The following BCORL1 variants were observed in gnomAD, a reference collection of about 807,000 sequenced individuals.
BCORL1 encodes the protein BCL-6 corepressor-like protein 1.
A neutral mutation model predicts 87.6 loss-of-function variants in BCORL1; 7 were observed. The observed-to-expected ratio is 0.08, with a 90% CI of 0.05 to 0.15. The LOEUF (loss-of-function observed/expected upper bound fraction) is 0.15, where lower values mean the gene tolerates loss of function less well. Among genes scored for constraint, BCORL1 ranks in the 10% least tolerant of loss-of-function variants. The probability of loss-of-function intolerance (pLI) is 1.00; values close to 1 mark genes in which losing one functional copy is unlikely to be tolerated. For missense variants in BCORL1, 1,215 were observed against 1,499.7 expected (o/e 0.81, Z 3.13); for synonymous variants, 591 against 634.4 (o/e 0.93, Z 1.03).
At chrX:130,048,932 C>A (rs1176774629) in intron 11 of BCORL1, among the ~76,000 whole-genome samples, 1 of 112,434 alleles carries the variant, frequency 8.9e-6, no homozygotes, top group African/African-American at 3.2e-5. Context: ...TGGTGTCTGG[C>A]TTCTGTCACG....
At chrX:129,980,400 G>A (rs1256639351), upstream of BCORL1, among the ~76,000 whole-genome samples, 1 of 113,105 alleles carries the variant, frequency 8.8e-6, no homozygotes, top group Non-Finnish European at 1.9e-5. Context: ...TAAAGGGGGC[G>A]CCGTGAGGCG....
rs1363969239 is a variant in BCORL1, at chrX:130,028,645, C to A, written c.4089C>A (p.Ala1363=). The A allele has an allele frequency of 1.7e-6, 2 of 1,208,544 alleles. No individual in the cohort carries two copies. The highest frequency in any genetic ancestry group is 1.1e-6 in the Non-Finnish European group (1 of 893,449). Residue 1363 remains alanine (A), a synonymous_variant, in exon 8 of 14, where the codon GCC becomes GCA. Transcript: ENST00000540052. ...GTTTCTTGCCTTCAGATTTAAAGGC[C>A]CGTAAGCAGAAGACTTCCTCCTCCC... is the stretch of plus-strand genomic sequence containing the variant. ...QRRKGRADLK[A]RKQKTSSSQS...
At chrX:130,050,004 C>T (rs1363863003) in intron 11 of BCORL1, among the ~76,000 whole-genome samples, 2 of 111,199 alleles carry the variant, frequency 1.8e-5, no homozygotes, top group Admixed American at 9.6e-5. Flanking sequence ...GAGCCCAGCC[C>T]GCGTGTGTCC....
intron 3 of BCORL1, 24 bp downstream of exon 3, chrX:130,012,692 T>A (rs1301312691): frequency 8.5e-7 from 1 of 1,170,044 alleles, no homozygotes. Context: ...TGGAGCCACG[T>A]GCTGTCCACC....
At chrX:129,991,809 C>G (rs1236600179) in intron 1 of BCORL1, among the ~76,000 whole-genome samples, 1 of 102,591 alleles carries the variant, frequency 9.7e-6, no homozygotes, top group Non-Finnish European at 2.0e-5. Context: ...AGGCGCCCGC[C>G]ACCATGCCCA....
At chrX:130,020,139 C>G (rs1465153885) in intron 4 of BCORL1, among the ~76,000 whole-genome samples, 3 of 112,435 alleles carry the variant, frequency 2.7e-5, no homozygotes, top group Admixed American at 9.4e-5. Context: ...GGGTCTTTCT[C>G]ACTGCAAGCA....
rs750864364 is a variant in BCORL1 at position 130,013,684 on chromosome X, G to A, written c.912G>A (p.Pro304=). The change falls in exon 4 of 14, where the codon CCG becomes CCA. Residue 304 remains proline (P), a synonymous_variant. Coordinates refer to ENST00000540052, the MANE Select transcript of BCORL1 (RefSeq NM_001379451.1). ...PVPLSAPAPA[P]LSVPVSAPPL... ...CCTTGTCGGCTCCAGCTCCTGCCCCGCTTTCAGTCCCAGTTTCAGCTCCTC... is the reference window on the plus strand; with the variant it reads ...CCTTGTCGGCTCCAGCTCCTGCCCCACTTTCAGTCCCAGTTTCAGCTCCTC... 6 of 1,209,999 alleles carry A rather than the reference G, an allele frequency of 5.0e-6. No individual in the cohort carries two copies. Among genetic ancestry groups the A allele is most frequent in the Middle Eastern group, 2.3e-4 (1 of 4,351 alleles).
At chrX:130,052,689 G>T (rs754957643) in intron 13 of BCORL1, among the ~76,000 whole-genome samples, 12 of 112,685 alleles carry the variant, frequency 1.1e-4, no homozygotes, top group Non-Finnish European at 1.7e-4. Context: ...TGGAAGTGCT[G>T]GTTGAGAGAA....
intron 8 of BCORL1, 23 bp downstream of exon 8, chrX:130,028,884 T>C (rs1214484336): frequency 1.1e-6 from 1 of 870,593 alleles, no homozygotes; most frequent in Admixed American, 3.0e-5. Context: ...CAAGGGGTAT[T>C]GTAGAAGGTG....
Position 130,015,605 on chromosome X carries a change from C to G in BCORL1, c.2833C>G (p.Arg945Gly). The change falls in exon 4 of 14, where the codon CGA becomes GGA. Residue 945 changes from arginine (R) to glycine (G), a missense_variant. Arg to Gly is a moderately radical substitution (Grantham distance 125). Transcript: ENST00000540052. ...TGTTCAGCCTAGCGGTGGGGACATT[C>G]GAATGAATCAGGGGCCTGAGGAATC... ...LSVQPSGGDI[R>G]MNQGPEESES... is the part of the protein sequence containing the mutation. 2.5e-6 allele frequency: 3 copies of G among 1,212,060 alleles called. No individual in the cohort carries two copies. Among genetic ancestry groups the G allele is most frequent in the Non-Finnish European group, 2.2e-6 (2 of 895,582 alleles).
intron 11 of BCORL1, among the ~76,000 whole-genome samples, chrX:130,046,998 C>T (rs1308313683): frequency 1.9e-5 from 2 of 106,944 alleles, no homozygotes; most frequent in Non-Finnish European, 3.8e-5. Flanking sequence ...TGGAATCATA[C>T]AGCATGGGGC....
chrX:130,015,008 C>T lies in BCORL1; in HGVS notation c.2236C>T (p.Pro746Ser). The T allele has an allele frequency of 8.3e-7, 1 of 1,211,928 alleles. No homozygotes were observed. The highest frequency in any genetic ancestry group is 1.7e-5 in the African/African-American group (1 of 57,821). The change falls in exon 4 of 14, where the codon CCC (proline) becomes TCC (serine). Residue 746 changes from proline to serine, a missense_variant. By Grantham distance (74) the Pro-to-Ser change is moderately conservative. Around this residue, in one of 5 missense-constraint regions of BCORL1, gnomAD observed 861 missense variants for 1,010.0 expected, o/e 0.85. Coordinates refer to ENST00000540052, the MANE Select transcript of BCORL1 (RefSeq NM_001379451.1). ...CCTCAACCGTGACCCCCGCCATCTC[C>T]CCAAGCAGGAGCCCATCTCCATCAT... ...LGLNRDPRHL[P>S]KQEPISIIDQ...
At position 130,013,094 on chromosome X, in the gene BCORL1, G is replaced by A; in HGVS notation, c.322G>A (p.Ala108Thr). The change falls in exon 4 of 14, where the codon GCT becomes ACT. Residue 108 changes from alanine (A) to threonine (T), a missense_variant. By Grantham distance (58) the Ala-to-Thr change is moderately conservative (BLOSUM62 0). Around this residue, in one of 5 missense-constraint regions of BCORL1, gnomAD observed 861 missense variants for 1,010.0 expected, o/e 0.85. Coordinates refer to ENST00000540052, the MANE Select transcript of BCORL1 (RefSeq NM_001379451.1). ...KMDYAGNVAE[A>T]EGLLVPLSSP... ...GGACTACGCTGGGAACGTGGCAGAG[G>A]CTGAGGGCCTCTTGGTGCCCCTGAG... 2 of 1,210,447 alleles carry A rather than the reference G, an allele frequency of 1.7e-6. No homozygotes were observed. The highest frequency in any genetic ancestry group is 2.2e-6 in the Non-Finnish European group (2 of 894,187).
chrX:130,025,355 G>A lies in BCORL1; in HGVS notation c.4054G>A (p.Glu1352Lys), dbSNP rs141583187. The change falls in exon 7 of 14, where the codon GAG (glutamate) becomes AAG (lysine). Residue 1352 changes from glutamate to lysine, a missense_variant. Physicochemically the swap from Glu to Lys is moderately conservative, Grantham distance 56. This residue lies in a region of BCORL1 where 166 missense variants were observed against 196.5 expected (regional missense o/e 0.84). Coordinates refer to ENST00000540052, the MANE Select transcript of BCORL1 (RefSeq NM_001379451.1). The part of the protein sequence containing the change: ...TGEYLTEQED[E>K]QRRKGRADLK... ...GGAGTACCTGACAGAGCAAGAAGAC[G>A]AGCAGCGGCGGAAAGGGAGAGCAGG... is the stretch of plus-strand genomic sequence containing the variant. The A allele has an allele frequency of 6.1e-6, 7 of 1,150,488 alleles. No individual in the cohort carries two copies. The highest frequency in any genetic ancestry group is 6.9e-6 in the Non-Finnish European group (6 of 867,407). 94.8% of individuals were successfully genotyped at this position (1,150,488 alleles called of 1,213,427 possible). A position where few individuals can be genotyped will look rare whatever the true frequency, so the allele number is the denominator to read the frequency against.
intron 1 of BCORL1, among the ~76,000 whole-genome samples, chrX:130,003,350 C>CT: frequency 9.7e-6 from 1 of 102,788 alleles, no homozygotes; most frequent in African/African-American, 4.0e-5. Context: ...CCTCCTCCTC[C>CT]TCCTTCTTCT....
intron 1 of BCORL1, among the ~76,000 whole-genome samples, chrX:129,996,354 T>C (rs752865473): frequency 2.7e-5 from 3 of 111,627 alleles, no homozygotes; most frequent in South Asian, 7.5e-4. Context: ...TGCTTCCAGG[T>C]CACCAGGCAG....
At chrX:130,055,713 G>C (rs941789119) in intron 13 of BCORL1, 141 bp from the exon 14 acceptor site, 9 of 659,239 alleles carry the variant, frequency 1.4e-5, no homozygotes, top group African/African-American at 2.2e-5. Context: ...AGCAGGGGAC[G>C]GGGGAGCCAG....
chrX:130,037,008 TGGTGGCGTGCGCCTGTA>T (rs60342445), intron 9 of BCORL1, among the ~76,000 whole-genome samples: 402 of 111,737 alleles, frequency 3.6e-3, no homozygotes, highest in African/African-American at 0.012. Flanking sequence ...TAGCCAGGCG[TGGTGGCGTGCGCCTGTA>T]GCTCCAGCTA....
In BCORL1 at chrX:130,021,035, G is replaced by T. The variant is rs375550141; in HGVS notation, c.3492G>T (p.Arg1164Ser). Residue 1164 changes from arginine to serine, a missense_variant, in exon 5 of 14, where the codon AGG becomes AGT. This residue lies in a region of BCORL1 where 861 missense variants were observed against 1,010.0 expected (regional missense o/e 0.85). Coordinates refer to ENST00000540052, the MANE Select transcript of BCORL1 (RefSeq NM_001379451.1). ...DPQESTKKSP[R>S]GASDSGKEHN... ...AGGAATCCACCAAGAAAAGCCCCAG[G>T]GGGGCTTCAGATTCAGGAAAAGAGC... 1 of 1,188,732 alleles carries T rather than the reference G, an allele frequency of 8.4e-7. No individual in the cohort carries two copies. The highest frequency in any genetic ancestry group is 1.1e-6 in the Non-Finnish European group (1 of 886,668).
Sources: allele counts gnomAD v4.1 joint callset (sites outside exome capture counted in the v4.1 genomes callset), GRCh38; gene constraint gnomAD v4.1.1; regional missense constraint gnomAD v4.1.1; transcripts MANE v1.5; gene names NCBI Gene and HGNC (gene_info 2026-07-23, HGNC 2026-07-21).